Variants in LIN9 observed in about 807,000 individuals in gnomAD.
LIN9 encodes lin-9 DREAM MuvB core complex component.
Under a neutral mutation model 78.0 loss-of-function variants are expected in LIN9, and 18 were observed. The observed-to-expected ratio is 0.23, with a 90% confidence interval of 0.16 to 0.34. LIN9 has a LOEUF of 0.34. Ranked by LOEUF, LIN9 falls within the 10% of genes least tolerant of loss-of-function variation. LIN9 has a pLI of 1.00. For missense variants in LIN9, 451 were observed against 644.1 expected (o/e 0.70, Z 3.25); for synonymous variants, 192 against 215.2 (o/e 0.89, Z 0.94).
chr1:226,252,262 C>T (rs200525731), intron 10 of LIN9, among the ~76,000 whole-genome samples: 1 of 150,688 alleles, frequency 6.6e-6, no homozygotes, highest in Admixed American at 6.7e-5. Context: ...GCCTGGGCAA[C>T]AGAGCAAGAC....
At position 226,231,297 on chromosome 1, in the gene LIN9, G is replaced by A. The variant is rs1657315333; in HGVS notation, c.*1204C>T. On this transcript the variant is annotated 3_prime_UTR_variant, in exon 15 of 15. Coordinates refer to ENST00000681046, the MANE Select transcript of LIN9 (RefSeq NM_001366245.2). ...GTGGCACAATACCAACAAAGAATAC[G>A]GAAGCCTTTTTAAACTATACAAAAA... 2 of 152,480 alleles carry A rather than the reference G, an allele frequency of 1.3e-5. No homozygotes were observed. Among genetic ancestry groups the A allele is most frequent in the South Asian group, 2.1e-4 (1 of 4,816 alleles). 9.4% of individuals were successfully genotyped at this position (152,480 alleles called of 1,614,324 possible).
intron 4 of LIN9, among the ~76,000 whole-genome samples, chr1:226,292,543 A>G (rs1467316167): frequency 6.6e-6 from 1 of 152,046 alleles, no homozygotes; most frequent in East Asian, 1.9e-4. Flanking sequence ...TACAGCCTCA[A>G]TCTCCTGGGC....
At chr1:226,279,447 G>A (rs1660897460) in intron 6 of LIN9, among the ~76,000 whole-genome samples, 1 of 151,500 alleles carries the variant, frequency 6.6e-6, no homozygotes, top group South Asian at 2.1e-4. Context: ...CTGCACAACA[G>A]AGGGAGACTG....
At chr1:226,283,413 A>T (rs1661196033) in intron 6 of LIN9, among the ~76,000 whole-genome samples, 1 of 147,358 alleles carries the variant, frequency 6.8e-6, no homozygotes, top group Non-Finnish European at 1.5e-5. Flanking sequence ...GGTGTGAGCC[A>T]CCACACCCAG....
chr1:226,244,542 A>T (rs910287312), intron 11 of LIN9, among the ~76,000 whole-genome samples: 1 of 152,226 alleles, frequency 6.6e-6, no homozygotes, highest in African/African-American at 2.4e-5. Context: ...CATTCTGATA[A>T]AAAACCAGGT....
chr1:226,240,545 C>T (rs372334894), intron 11 of LIN9, among the ~76,000 whole-genome samples: 38 of 152,250 alleles, frequency 2.5e-4, no homozygotes, highest in African/African-American at 8.7e-4. Context: ...CGTGCCATCA[C>T]ACCTGGCTAA....
chr1:226,297,920 G>T, intron 2 of LIN9, 107 bp from the exon 3 acceptor site: 1 of 432,102 alleles, frequency 2.3e-6, no homozygotes, highest in Non-Finnish European at 4.1e-6. Context: ...TATTTAATAT[G>T]GAAAAAATAT....
chr1:226,237,492 C>T (rs1458853004), intron 12 of LIN9, among the ~76,000 whole-genome samples: 3 of 151,638 alleles, frequency 2.0e-5, no homozygotes, highest in Non-Finnish European at 2.9e-5. Context: ...ATTACCTGGG[C>T]GTGGTAATGC....
chr1:226,298,698 A>G (rs1662317397), intron 2 of LIN9, among the ~76,000 whole-genome samples: 1 of 152,076 alleles, frequency 6.6e-6, no homozygotes, highest in Non-Finnish European at 1.5e-5. Context: ...CCACCTCTAC[A>G]AAAAATACAA....
chr1:226,261,355 C>T (rs903801536), intron 10 of LIN9, among the ~76,000 whole-genome samples: 4 of 150,476 alleles, frequency 2.7e-5, no homozygotes, highest in African/African-American at 4.9e-5. Flanking sequence ...CTGTTTTAGG[C>T]GGGTGACATG....
In LIN9 at chr1:226,233,516, G is replaced by A. The variant is rs1392911819; in HGVS notation, c.1253C>T (p.Pro418Leu). The A allele has an allele frequency of 6.2e-7, 1 of 1,612,382 alleles. No homozygotes were observed. The highest frequency in any genetic ancestry group is 1.1e-5 in the South Asian group (1 of 90,688). ...ATCTGCAGGCTGGAGCCCCTGGTCT[G>A]GAGCAAGCTGAATACAGATGATTGA... is the stretch of plus-strand genomic sequence containing the variant. ...KVQQYCYELA[P>L]DQGLQPADQP... Residue 418 changes from proline to leucine, a missense_variant, in exon 13 of 15, where the codon CCA (proline) becomes CTA (leucine). Transcript: ENST00000681046.
chr1:226,294,645 T>C (rs992581000), intron 4 of LIN9, among the ~76,000 whole-genome samples: 1 of 152,126 alleles, frequency 6.6e-6, no homozygotes, highest in Non-Finnish European at 1.5e-5. Context: ...CCATCCATTA[T>C]ACTAGAAAAT....
intron 1 of LIN9, among the ~76,000 whole-genome samples, chr1:226,302,631 T>C (rs1387759295): frequency 2.6e-5 from 4 of 151,336 alleles, no homozygotes; most frequent in African/African-American, 9.7e-5. Flanking sequence ...CAGAATTGGA[T>C]GTATACATTG....
chr1:226,261,623 G>A (rs1050314851), intron 10 of LIN9, among the ~76,000 whole-genome samples: 3 of 152,050 alleles, frequency 2.0e-5, no homozygotes, highest in African/African-American at 7.2e-5. Flanking sequence ...AGAAATCAAA[G>A]AACTAAATAA....
At chr1:226,305,980 A>G (rs1662891047) in intron 1 of LIN9, among the ~76,000 whole-genome samples, 1 of 152,208 alleles carries the variant, frequency 6.6e-6, no homozygotes, top group East Asian at 1.9e-4. Flanking sequence ...ATAGATATTT[A>G]GAAGGTAAAA....
chr1:226,240,310 C>T (rs1051951908), intron 11 of LIN9, among the ~76,000 whole-genome samples: 1 of 151,874 alleles, frequency 6.6e-6, no homozygotes, highest in Non-Finnish European at 1.5e-5. Context: ...AACTCCTGGC[C>T]TGAAGCCATC....
chr1:226,234,185 T>C (rs1003530878), intron 12 of LIN9, among the ~76,000 whole-genome samples: 17 of 152,228 alleles, frequency 1.1e-4, no homozygotes, highest in African/African-American at 3.9e-4. Flanking sequence ...TACTAAGTAG[T>C]TGTGAAGAGA....
chr1:226,296,121 A>G (rs971004951), intron 3 of LIN9, among the ~76,000 whole-genome samples, 175 bp from the exon 4 acceptor site: 30 of 152,220 alleles, frequency 2.0e-4, no homozygotes, highest in African/African-American at 7.2e-4. Flanking sequence ...CAGATTTAGA[A>G]AGCAGTAAGA....
At chr1:226,279,667 C>T (rs955129912) in intron 6 of LIN9, among the ~76,000 whole-genome samples, 2 of 127,130 alleles carry the variant, frequency 1.6e-5, no homozygotes, top group East Asian at 2.5e-4. Flanking sequence ...CCCAGCTAGT[C>T]GGGAGGCTGA....
Sources: gnomAD v4.1 joint callset for allele counts (sites outside exome capture counted in the v4.1 genomes callset) on GRCh38, gnomAD v4.1.1 for gene constraint, MANE v1.5 for transcripts, NCBI Gene and HGNC (gene_info 2026-07-23, HGNC 2026-07-21) for gene names.